The following FGD1 variants were observed in gnomAD, a reference collection of about 807,000 sequenced individuals.
FGD1 encodes FYVE, RhoGEF and PH domain containing 1.
Under a neutral mutation model 65.0 loss-of-function variants are expected in FGD1, and 12 were observed. The ratio of observed to expected loss-of-function variants is 0.18; its 90% confidence interval spans 0.12 to 0.30. The LOEUF is 0.30. Among genes scored for constraint, FGD1 ranks in the 10% least tolerant of loss-of-function variants. The pLI is 1.00. For synonymous variants in FGD1, 333 were observed against 343.9 expected (o/e 0.97, Z 0.35); for missense variants, 542 against 837.6 (o/e 0.65, Z 4.36).
chrX:54,479,780 CAA>C (rs61712565), intron 1 of FGD1, among the ~76,000 whole-genome samples: 177 of 25,352 alleles, frequency 7.0e-3, no homozygotes, highest in African/African-American at 0.015. Context: ...CTCCGCTTGA[CAA>C]AAAAAAAAAA....
At chrX:54,477,524 G>C (rs1482303126) in intron 1 of FGD1, among the ~76,000 whole-genome samples, 5 of 109,615 alleles carry the variant, frequency 4.6e-5, no homozygotes, top group Non-Finnish European at 9.5e-5. Context: ...CCGACTCCTG[G>C]GTTCAAGCAA....
chrX:54,483,534 G>T (rs1321743128), intron 1 of FGD1, among the ~76,000 whole-genome samples: 1 of 112,334 alleles, frequency 8.9e-6, no homozygotes, highest in East Asian at 2.8e-4. Flanking sequence ...CCCTTTCCCT[G>T]CAGGGGCCAT....
At chrX:54,468,740 G>T in intron 5 of FGD1, 47 bp downstream of exon 5, 2 of 928,970 alleles carry the variant, frequency 2.2e-6, no homozygotes, top group Non-Finnish European at 3.1e-6. Flanking sequence ...TCCTTGAAAC[G>T]CACCTACAAG....
intron 15 of FGD1, 71 bp downstream of exon 15, chrX:54,449,072 C>T: frequency 8.3e-7 from 1 of 1,204,365 alleles, no homozygotes; most frequent in Non-Finnish European, 1.1e-6. Flanking sequence ...GGAGGGTACC[C>T]ACTCTGCAGT....
At position 54,446,042 on chromosome X, in the gene FGD1, T is replaced by G. The variant is rs772627763; in HGVS notation, c.*67A>C. 7.7e-6 allele frequency: 7 copies of G among 904,125 alleles called. No individual in the cohort carries two copies. Among genetic ancestry groups the G allele is most frequent in the Non-Finnish European group, 9.4e-6 (6 of 641,398 alleles). The allele number at this position is 904,125 out of a possible 1,213,427, so 74.5% of individuals were successfully genotyped here. On this transcript the variant is annotated 3_prime_UTR_variant, in exon 18 of 18. Coordinates refer to ENST00000375135, the MANE Select transcript of FGD1 (RefSeq NM_004463.3). ...TTGACTGAGCTGGGAGGGAAGGGGC[T>G]AGAGCCCCCAATCAGACATGGGCAA...
chrX:54,466,152 C>T (rs569027978), intron 6 of FGD1, among the ~76,000 whole-genome samples: 1 of 111,864 alleles, frequency 8.9e-6, no homozygotes, highest in Middle Eastern at 4.6e-3. Context: ...TGATTATCAA[C>T]TGTGTGCTGG....
At chrX:54,474,759 GGA>G (rs1922981067) in intron 1 of FGD1, among the ~76,000 whole-genome samples, 1 of 112,761 alleles carries the variant, frequency 8.9e-6, no homozygotes, top group South Asian at 3.7e-4. Context: ...CCAGAGCAAG[GGA>G]GAGAGACAGA....
intron 8 of FGD1, among the ~76,000 whole-genome samples, chrX:54,463,380 G>A (rs1347919434): frequency 9.0e-6 from 1 of 111,301 alleles, no homozygotes; most frequent in Non-Finnish European, 1.9e-5. Context: ...CTCCACCCTA[G>A]TCCTCTCAGT....
chrX:54,446,960 G>A (rs1349661521), intron 17 of FGD1, among the ~76,000 whole-genome samples: 1 of 110,673 alleles, frequency 9.0e-6, no homozygotes, highest in Non-Finnish European at 1.9e-5. Flanking sequence ...CTGATCTCAG[G>A]TGAGCCACCT....
chrX:54,473,499 C>T (rs1355775059), intron 1 of FGD1, among the ~76,000 whole-genome samples: 1 of 112,001 alleles, frequency 8.9e-6, no homozygotes, highest in Non-Finnish European at 1.9e-5. Flanking sequence ...TACAGGTGGC[C>T]CTCCACATTC....
At chrX:54,481,450 G>A (rs1370043011) in intron 1 of FGD1, among the ~76,000 whole-genome samples, 3 of 96,519 alleles carry the variant, frequency 3.1e-5, no homozygotes, top group Non-Finnish European at 6.2e-5. Context: ...ATGCTATCTC[G>A]TATGGCATCC....
At chrX:54,477,332 C>T (rs1412056197) in intron 1 of FGD1, among the ~76,000 whole-genome samples, 2 of 112,148 alleles carry the variant, frequency 1.8e-5, no homozygotes, top group African/African-American at 6.5e-5. Flanking sequence ...GACAAAGACT[C>T]TAACTCAGGA....
At chrX:54,494,781 C>T (rs1250904821) in intron 1 of FGD1, among the ~76,000 whole-genome samples, 1 of 111,231 alleles carries the variant, frequency 9.0e-6, no homozygotes, top group Non-Finnish European at 1.9e-5. Context: ...GTTCTCCAAA[C>T]GAAACCCTGG....
At chrX:54,454,595 A>C (rs768855676) in intron 12 of FGD1, among the ~76,000 whole-genome samples, 3 of 103,630 alleles carry the variant, frequency 2.9e-5, no homozygotes, top group Non-Finnish European at 3.9e-5. Context: ...GGTTGCAGTG[A>C]GCCGAGATCA....
chrX:54,467,329 G>C (rs1430616546), intron 6 of FGD1, among the ~76,000 whole-genome samples: 1 of 108,363 alleles, frequency 9.2e-6, no homozygotes, highest in African/African-American at 3.3e-5. Flanking sequence ...CTCGAAGGCA[G>C]AGCTTGGGCC....
intron 1 of FGD1, among the ~76,000 whole-genome samples, chrX:54,479,330 C>A (rs1347297965): frequency 9.0e-6 from 1 of 111,582 alleles, no homozygotes; most frequent in Non-Finnish European, 1.9e-5. Context: ...TCTCACTTCT[C>A]CCAGCTGTAG....
chrX:54,446,080 G>C lies in FGD1; in HGVS notation c.*29C>G. ...CAGACATGGGCAACTAGAGTGTGGGGTGGGGGCTCCCAGTTTGTCCCAAAC... is the reference window on the plus strand; with the variant it reads ...CAGACATGGGCAACTAGAGTGTGGGCTGGGGGCTCCCAGTTTGTCCCAAAC... On this transcript the variant is annotated 3_prime_UTR_variant, in exon 18 of 18. Transcript: ENST00000375135. The C allele has an allele frequency of 8.7e-7, 1 of 1,155,420 alleles. No homozygotes were observed. The highest frequency in any genetic ancestry group is 1.2e-6 in the Non-Finnish European group (1 of 853,058).
rs3833405 is a variant in FGD1, at chrX:54,456,638, GT to G, written c.1637-72del. The G allele has an allele frequency of 0.12, 83,691 of 688,551 alleles. 3,488 individuals are homozygous for G. Among genetic ancestry groups the G allele is most frequent in the African/African-American group, 0.38 (15,421 of 41,103 alleles). The allele number at this position is 688,551 out of a possible 1,213,427, so 56.7% of individuals were successfully genotyped here. A position where few individuals can be genotyped will look rare whatever the true frequency, so the allele number is the denominator to read the frequency against. On this transcript the variant is annotated intron_variant, in intron 8 of 17. Transcript: ENST00000375135. The stretch of plus-strand genomic sequence containing the variant: ...GAGCCTTTCCGGGGCTTTGTTTTTT[GT>G]TTTTTTTTTTTGAGACGGAGTCTCA...
chrX:54,486,862 C>T (rs950324573), intron 1 of FGD1, among the ~76,000 whole-genome samples: 8 of 106,356 alleles, frequency 7.5e-5, no homozygotes, highest in Admixed American at 9.8e-5. Context: ...TGGTGTGCGC[C>T]TGTAATCCCA....
Sources: allele counts gnomAD v4.1 joint callset (sites outside exome capture counted in the v4.1 genomes callset), GRCh38; gene constraint gnomAD v4.1.1; transcripts MANE v1.5; gene names NCBI Gene and HGNC (gene_info 2026-07-23, HGNC 2026-07-21).